HPGD: variants seen among roughly 807,000 people sequenced by gnomAD.
HPGD encodes the protein 15-hydroxyprostaglandin dehydrogenase.
In HPGD, 29 loss-of-function variants were observed where a neutral mutation model predicts 30.0. The observed-to-expected ratio is 0.97, with a 90% CI of 0.72 to 1.32. The LOEUF (loss-of-function observed/expected upper bound fraction) is 1.32, where lower values mean the gene tolerates loss of function less well. HPGD is among the 40% of genes most tolerant of loss of function. The pLI is 0.00. For synonymous variants in HPGD, 99 were observed against 112.4 expected (o/e 0.88, Z 0.75); for missense variants, 340 against 322.1 (o/e 1.06, Z -0.43).
intron 3 of HPGD, among the ~76,000 whole-genome samples, chr4:174,510,775 C>T (rs1169041495): frequency 6.6e-6 from 1 of 152,108 alleles, no homozygotes; most frequent in East Asian, 1.9e-4. Context: ...TTTACTATAA[C>T]AACGTAGTCC....
chr4:174,490,444 T>G lies in HPGD; in HGVS notation c.*1512A>C, dbSNP rs1339918992. The G allele has an allele frequency of 6.6e-6, 1 of 152,360 alleles. No individual in the cohort carries two copies. Among genetic ancestry groups the G allele is most frequent in the African/African-American group, 2.4e-5 (1 of 41,454 alleles). 9.4% of individuals were successfully genotyped at this position (152,360 alleles called of 1,614,324 possible). On this transcript the variant is annotated 3_prime_UTR_variant, in exon 7 of 7. Coordinates refer to ENST00000296522, the MANE Select transcript of HPGD (RefSeq NM_000860.6). This position sits in a 1 kb window ranked among gnomAD's most constrained non-coding sequence, Gnocchi z 4.4. ...GTCCATAAATGAAAAGGTTATACTA[T>G]TTACACGACAGAGGAAAAATACAGA...
intron 3 of HPGD, 110 bp from the exon 4 acceptor site, chr4:174,508,902 A>G (rs954847110): frequency 6.8e-6 from 5 of 734,514 alleles, no homozygotes; most frequent in African/African-American, 5.2e-5. Flanking sequence ...ATTTCTGCAA[A>G]TATTATCAAT....
chr4:174,494,248 C>T lies in HPGD; in HGVS notation c.499-934G>A, dbSNP rs1734475989. On this transcript the variant is annotated intron_variant, in intron 5 of 6. Transcript: ENST00000296522. This position sits in a 1 kb window ranked among gnomAD's most constrained non-coding sequence, Gnocchi z 4.9. Reference sequence around the variant, plus strand: ...CATACAACCTATGATAAATAAGGTTCTTTAAACAGGAATACACATAAAATA... The same window carrying T: ...CATACAACCTATGATAAATAAGGTTTTTTAAACAGGAATACACATAAAATA... Among the ~76,000 whole-genome samples, 1 of 152,134 alleles carries T rather than the reference C, an allele frequency of 6.6e-6. No homozygotes were observed. The highest frequency in any genetic ancestry group is 1.5e-5 in the Non-Finnish European group (1 of 68,026).
At chr4:174,518,881 T>C (rs1735931325) in intron 2 of HPGD, among the ~76,000 whole-genome samples, 1 of 152,206 alleles carries the variant, frequency 6.6e-6, no homozygotes, top group East Asian at 1.9e-4. Flanking sequence ...CCCGGGCCTT[T>C]GATCATTCAT....
chr4:174,495,375 A>G, intron 5 of HPGD, 173 bp downstream of exon 5: 1 of 626,086 alleles, frequency 1.6e-6, no homozygotes, highest in Non-Finnish European at 2.9e-6. Flanking sequence ...AAAATGATCT[A>G]TTATTTATTT....
intron 4 of HPGD, among the ~76,000 whole-genome samples, chr4:174,497,815 A>G (rs1734707911): frequency 2.0e-5 from 3 of 151,398 alleles, no homozygotes; most frequent in Admixed American, 2.0e-4. Context: ...TGACCTCATG[A>G]TCCACCTGCC....
At chr4:174,519,108 C>T (rs1579305305) in intron 2 of HPGD, among the ~76,000 whole-genome samples, 1 of 152,118 alleles carries the variant, frequency 6.6e-6, no homozygotes, top group Admixed American at 6.5e-5. Context: ...AGATAAATTA[C>T]TATGCTAGTT....
intron 5 of HPGD, 24 bp downstream of exon 5, chr4:174,495,524 A>T (rs1161826176): frequency 6.5e-7 from 1 of 1,539,634 alleles, no homozygotes; most frequent in South Asian, 1.1e-5. Flanking sequence ...AGAAAATGAG[A>T]TATGACGGTT....
intron 3 of HPGD, among the ~76,000 whole-genome samples, chr4:174,516,412 C>T (rs1446457586): frequency 6.6e-6 from 1 of 152,234 alleles, no homozygotes; most frequent in Non-Finnish European, 1.5e-5. Flanking sequence ...CTCATGTTCT[C>T]ACTTACAAAC....
intron 6 of HPGD, 38 bp downstream of exon 6, chr4:174,493,113 T>C: frequency 6.8e-7 from 1 of 1,477,326 alleles, no homozygotes; most frequent in South Asian, 1.2e-5. Flanking sequence ...AATGCTTTGC[T>C]TCATCATTTA....
intron 3 of HPGD, among the ~76,000 whole-genome samples, chr4:174,514,630 A>G (rs1554000334): frequency 6.6e-6 from 1 of 152,080 alleles, no homozygotes; most frequent in African/African-American, 2.4e-5. Context: ...CACTCTCACC[A>G]CTCATATTCA....
upstream of HPGD, chr4:174,522,710 T>A: frequency 2.4e-6 from 1 of 423,878 alleles, no homozygotes; most frequent in Non-Finnish European, 4.1e-6. Context: ...CCTCAGCCTC[T>A]GGCTCCGTGA....
At chr4:174,502,539 G>A (rs1435301527) in intron 4 of HPGD, among the ~76,000 whole-genome samples, 2 of 152,034 alleles carry the variant, frequency 1.3e-5, no homozygotes, top group Non-Finnish European at 1.5e-5. Flanking sequence ...TTAGCCAGGC[G>A]TGGTGGCGGG....
At chr4:174,509,434 G>C (rs1482182977) in intron 3 of HPGD, among the ~76,000 whole-genome samples, 3 of 152,172 alleles carry the variant, frequency 2.0e-5, no homozygotes, top group Non-Finnish European at 4.4e-5. Flanking sequence ...GCTGGTTTCA[G>C]AGCCAGCAGG....
intron 1 of HPGD, 96 bp from the exon 2 acceptor site, chr4:174,522,163 AT>A: frequency 6.3e-7 from 1 of 1,581,582 alleles, no homozygotes; most frequent in Non-Finnish European, 8.7e-7. Context: ...TGGACCTGAA[AT>A]TTGGCAATTA....
intron 4 of HPGD, among the ~76,000 whole-genome samples, chr4:174,500,737 G>C (rs1415164343): frequency 6.6e-6 from 1 of 152,176 alleles, no homozygotes; most frequent in Non-Finnish European, 1.5e-5. Context: ...AGGAGGTGGT[G>C]GGAGGAAGGG....
intron 3 of HPGD, among the ~76,000 whole-genome samples, chr4:174,511,908 A>C (rs1735524205): frequency 6.6e-6 from 1 of 152,200 alleles, no homozygotes; most frequent in Non-Finnish European, 1.5e-5. Flanking sequence ...GGTCTCCCAA[A>C]GTGCTGGGAT....
At chr4:174,498,934 T>C (rs577485468) in intron 4 of HPGD, among the ~76,000 whole-genome samples, 1 of 152,126 alleles carries the variant, frequency 6.6e-6, no homozygotes, top group Non-Finnish European at 1.5e-5. Flanking sequence ...ATGATTTTAG[T>C]TGGGGGTGGA....
intron 4 of HPGD, among the ~76,000 whole-genome samples, chr4:174,503,048 A>C (rs1289795523): frequency 6.6e-6 from 1 of 152,228 alleles, no homozygotes; most frequent in Non-Finnish European, 1.5e-5. Context: ...GTTTCTCAGT[A>C]GCCCTCTCAT....
Sources: allele counts gnomAD v4.1 joint callset (sites outside exome capture counted in the v4.1 genomes callset), GRCh38; gene constraint gnomAD v4.1.1; non-coding constraint Gnocchi (gnomAD v3.1); transcripts MANE v1.5; gene names NCBI Gene and HGNC (gene_info 2026-07-23, HGNC 2026-07-21).